Variants in SAMMSON observed in about 807,000 individuals in gnomAD.
The protein encoded by SAMMSON is long intergenic non-protein coding RNA 1212.
At chr3:70,271,134 A>G (rs1490359327) in intron 6 of SAMMSON, among the ~76,000 whole-genome samples, 1 of 152,182 alleles carries the variant, frequency 6.6e-6, no homozygotes, top group Non-Finnish European at 1.5e-5. Context: ...TGCAAAAGTC[A>G]TTGTGGTTTT....
At chr3:70,203,023 G>A (rs546566106) in intron 4 of SAMMSON, among the ~76,000 whole-genome samples, 6 of 152,120 alleles carry the variant, frequency 3.9e-5, no homozygotes, top group South Asian at 4.2e-4. Flanking sequence ...AGGTGGGAGG[G>A]ATAAGAGCAC....
chr3:70,200,515 A>G lies in SAMMSON; in HGVS notation n.508-48592A>G, dbSNP rs147428010. Among the ~76,000 whole-genome samples the G allele has an allele frequency of 8.2e-3, 1,247 of 152,210 alleles. 15 individuals are homozygous for G. Among genetic ancestry groups the G allele is most frequent in the African/African-American group, 0.029 (1,184 of 41,538 alleles). On this transcript the variant is annotated intron_variant and non_coding_transcript_variant, in intron 4 of 9. Coordinates refer to ENST00000642114, the Ensembl canonical transcript of SAMMSON. ...GCATTGCACACCCTCCTGCCCCTCAACTTCACCCAACTCCTATTCAAACAT... is the reference window on the plus strand; with the variant it reads ...GCATTGCACACCCTCCTGCCCCTCAGCTTCACCCAACTCCTATTCAAACAT...
rs530288322 is a variant in SAMMSON, at chr3:70,197,044, T to C, written n.508-52063T>C. 2.0e-5 allele frequency: 8 copies of C among 398,360 alleles called. 1 individual carries two copies. The highest frequency in any genetic ancestry group is 8.8e-5 in the Admixed American group (2 of 22,708). 24.7% of individuals were successfully genotyped at this position (398,360 alleles called of 1,614,324 possible). ...ATTGCAGCTGCAATCATTCCGAGAGTGGTTTTCATCCGAGGTGTGGTGATA... is the reference window on the plus strand; with the variant it reads ...ATTGCAGCTGCAATCATTCCGAGAGCGGTTTTCATCCGAGGTGTGGTGATA... On this transcript the variant is annotated intron_variant and non_coding_transcript_variant, in intron 4 of 9. Coordinates refer to ENST00000642114, the Ensembl canonical transcript of SAMMSON.
chr3:70,284,942 T>A (rs936895008), intron 6 of SAMMSON, among the ~76,000 whole-genome samples: 2 of 152,174 alleles, frequency 1.3e-5, no homozygotes, highest in Non-Finnish European at 2.9e-5. Flanking sequence ...TGTAACTGAT[T>A]CATGTGCTTT....
chr3:70,116,874 C>T (rs1379489777), intron 4 of SAMMSON, among the ~76,000 whole-genome samples: 1 of 152,182 alleles, frequency 6.6e-6, no homozygotes, highest in African/African-American at 2.4e-5. Context: ...ATGAGATTCA[C>T]TAACATTATT....
At chr3:70,353,272 A>G (rs812564) in intron 7 of SAMMSON, among the ~76,000 whole-genome samples, 110,619 of 151,832 alleles carry the variant, frequency 0.73, 40,598 homozygotes, top group Middle Eastern at 0.79. Context: ...AACTTTTCTC[A>G]TAAAAGAATA....
At chr3:70,354,689 T>G (rs867432048) in intron 8 of SAMMSON, among the ~76,000 whole-genome samples, 1 of 152,344 alleles carries the variant, frequency 6.6e-6, no homozygotes, top group Middle Eastern at 3.4e-3. Flanking sequence ...TGCCTCTAGC[T>G]GGACAGTGCC....
chr3:70,399,573 A>C (rs1169938957), intron 2 of SAMMSON, among the ~76,000 whole-genome samples: 10 of 152,108 alleles, frequency 6.6e-5, no homozygotes, highest in Non-Finnish European at 8.8e-5. Flanking sequence ...TACATAAAAA[A>C]CACTTTCATG....
chr3:70,132,075 C>CA (rs974637831), intron 4 of SAMMSON, among the ~76,000 whole-genome samples: 2 of 152,108 alleles, frequency 1.3e-5, no homozygotes, highest in African/African-American at 2.4e-5. Context: ...GGAAGTCAGA[C>CA]ACACCTCATT....
intron 9 of SAMMSON, among the ~76,000 whole-genome samples, chr3:70,368,026 A>G (rs1702935155): frequency 6.6e-6 from 1 of 150,580 alleles, no homozygotes; most frequent in African/African-American, 2.4e-5. Context: ...TCTATCAGAT[A>G]TGTTTTCTGC....
At position 70,067,850 on chromosome 3, in the gene SAMMSON, A is replaced by G. The variant is rs77823972; in HGVS notation, n.418-3626A>G. On this transcript the variant is annotated intron_variant and non_coding_transcript_variant, in intron 3 of 9. Coordinates refer to ENST00000642114, the Ensembl canonical transcript of SAMMSON. ...AGGGTGACATAAAGGAGCATCTACC[A>G]TGTACATGGGAGACCTGATTTTTTG... is the stretch of plus-strand genomic sequence containing the variant. 1.7e-3 allele frequency among the ~76,000 whole-genome samples: 265 copies of G among 152,220 alleles called. 2 individuals are homozygous for G. Among genetic ancestry groups the G allele is most frequent in the African/African-American group, 6.2e-3 (257 of 41,568 alleles).
intron 7 of SAMMSON, chr3:70,292,026 T>G (rs1167530158): frequency 6.6e-6 from 1 of 152,220 alleles, no homozygotes; most frequent in African/African-American, 2.4e-5. Flanking sequence ...GCTGAATAAA[T>G]AGTCTCTTCC....
At chr3:70,393,534 C>T (rs2106758509), downstream of SAMMSON, among the ~76,000 whole-genome samples, 1 of 152,234 alleles carries the variant, frequency 6.6e-6, no homozygotes, top group Non-Finnish European at 1.5e-5. Context: ...GTAGCACTTG[C>T]TTTCTGGAGG....
chr3:70,298,928 C>T (rs1522341), intron 7 of SAMMSON, among the ~76,000 whole-genome samples: 43,136 of 151,888 alleles, frequency 0.28, 6,347 homozygotes, highest in South Asian at 0.41. Flanking sequence ...TAAAAAAGCA[C>T]GGTAATACTT....
At chr3:70,039,593 TCACACACACACA>T (rs56058406) in intron 3 of SAMMSON, among the ~76,000 whole-genome samples, 3,166 of 135,686 alleles carry the variant, frequency 0.023, 72 homozygotes, top group Middle Eastern at 0.046. Flanking sequence ...ACACATCTCT[TCACACACACACA>T]CACACACACA....
At chr3:70,211,342 CT>C in intron 4 of SAMMSON, among the ~76,000 whole-genome samples, 1 of 11,290 alleles carries the variant, frequency 8.9e-5, no homozygotes, top group Non-Finnish European at 4.4e-4. Flanking sequence ...CCTTCCCTTC[CT>C]TTTGCCCTTC....
At chr3:70,264,898 AT>A (rs1701901731) in intron 6 of SAMMSON, among the ~76,000 whole-genome samples, 1 of 152,218 alleles carries the variant, frequency 6.6e-6, no homozygotes, top group African/African-American at 2.4e-5. Flanking sequence ...AGGAAAGACG[AT>A]TAATTGACTC....
intron 4 of SAMMSON, among the ~76,000 whole-genome samples, chr3:70,090,874 A>T (rs2067302689): frequency 6.6e-6 from 1 of 152,130 alleles, no homozygotes. Context: ...TCTTAGGCTT[A>T]AAAATAATTA....
At chr3:70,403,500 G>C (rs1444845796) in intron 2 of SAMMSON, among the ~76,000 whole-genome samples, 1 of 152,150 alleles carries the variant, frequency 6.6e-6, no homozygotes, top group Non-Finnish European at 1.5e-5. Flanking sequence ...TTATACTGTA[G>C]ATCGCAGATT....
Sources: gnomAD v4.1 joint callset for allele counts (sites outside exome capture counted in the v4.1 genomes callset) on GRCh38, gnomAD v4.1.1 for gene constraint, MANE v1.5 for transcripts, NCBI Gene and HGNC (gene_info 2026-07-23, HGNC 2026-07-21) for gene names.